CYTH1: variants seen among roughly 807,000 people sequenced by gnomAD.
The protein encoded by CYTH1 is cytohesin 1, also known as cytohesin-1.
Under a neutral mutation model 61.8 loss-of-function variants are expected in CYTH1, and 18 were observed. That is an observed-to-expected ratio of 0.29 (90% confidence interval 0.20 to 0.43). The LOEUF (loss-of-function observed/expected upper bound fraction) is 0.43, where lower values mean the gene tolerates loss of function less well. Ranked by LOEUF, CYTH1 falls within the 20% of genes least tolerant of loss-of-function variation. CYTH1 has a pLI of 1.00. For synonymous variants in CYTH1, 174 were observed against 184.3 expected, an observed-to-expected ratio of 0.94 and a Z score of 0.45; for missense variants, 336 against 510.5, an observed-to-expected ratio of 0.66 and a Z score of 3.29.
At position 78,753,499 on chromosome 17, in the gene CYTH1, TAATAAATAAATA is replaced by T. The variant is rs67579941; in HGVS notation, c.22+28691_22+28702del. On this transcript the variant is annotated intron_variant, in intron 1 of 13. Coordinates refer to ENST00000446868, the MANE Select transcript of CYTH1 (RefSeq NM_004762.6). ...AACATGGTCAGACCTTATCTCTACT[TAATAAATAAATA>T]AATAAATAAATAAATAAATAAAGAT... is the stretch of plus-strand genomic sequence containing the variant. Among the ~76,000 whole-genome samples the T allele has an allele frequency of 5.9e-4, 84 of 143,372 alleles. 2 individuals carry two copies. The highest frequency in any genetic ancestry group is 3.6e-3 in the Admixed American group (53 of 14,710). The allele number at this position is 143,372 out of a possible 152,430, so 94.1% of individuals were successfully genotyped here.
At chr17:78,683,463 AATC>A (rs2092784320) in intron 11 of CYTH1, among the ~76,000 whole-genome samples, 1 of 152,100 alleles carries the variant, frequency 6.6e-6, no homozygotes. Context: ...TCTGCTGGGG[AATC>A]TGACTAAATA....
At chr17:78,768,972 C>G (rs933831469) in intron 1 of CYTH1, among the ~76,000 whole-genome samples, 2 of 152,040 alleles carry the variant, frequency 1.3e-5, no homozygotes, top group Non-Finnish European at 2.9e-5. Flanking sequence ...ATGGCAAAAC[C>G]CAGTCTCTAC....
rs1567851933 is a variant in CYTH1, at chr17:78,711,293, TA to T, written c.23-1562del. Among the ~76,000 whole-genome samples the T allele has an allele frequency of 1.9e-3, 219 of 114,100 alleles. 1 individual carries two copies. Among genetic ancestry groups the T allele is most frequent in the African/African-American group, 6.6e-3 (198 of 29,872 alleles). 74.9% of individuals were successfully genotyped at this position (114,100 alleles called of 152,430 possible). ...ATAAATAAATAAATAAATAAATAAA[TA>T]AATAAATAATATATATATATACACA... is the stretch of plus-strand genomic sequence containing the variant. On this transcript the variant is annotated intron_variant, in intron 1 of 13. Transcript: ENST00000446868.
intron 10 of CYTH1, among the ~76,000 whole-genome samples, chr17:78,693,750 C>T (rs933016181): frequency 3.9e-5 from 6 of 152,068 alleles, no homozygotes; most frequent in Non-Finnish European, 7.4e-5. Flanking sequence ...GCTGTCAAAT[C>T]GGGACCACAG....
intron 1 of CYTH1, 107 bp downstream of exon 1, chr17:78,782,095 C>T (rs983553598): frequency 3.1e-4 from 312 of 1,017,974 alleles, no homozygotes; most frequent in Non-Finnish European, 3.7e-4. Flanking sequence ...CGTCCCGCAC[C>T]AGTGTCCCCG....
chr17:78,692,354 G>A (rs2092896477), intron 11 of CYTH1, 63 bp downstream of exon 11: 1 of 1,523,198 alleles, frequency 6.6e-7, no homozygotes, highest in Non-Finnish European at 9.1e-7. Flanking sequence ...TGTCTGATTA[G>A]AGACACTTGG....
intron 3 of CYTH1, among the ~76,000 whole-genome samples, chr17:78,707,317 A>C (rs777215711): frequency 2.0e-5 from 3 of 152,226 alleles, no homozygotes; most frequent in Non-Finnish European, 4.4e-5. Context: ...TATTGCATTA[A>C]GCAGTCAGAA....
chr17:78,681,575 G>T (rs976102421), intron 11 of CYTH1, among the ~76,000 whole-genome samples: 7 of 152,090 alleles, frequency 4.6e-5, no homozygotes, highest in African/African-American at 1.7e-4. Context: ...AAGGCACCTT[G>T]ACTCCTGTCC....
rs761937941 is a variant in CYTH1 at position 78,700,320 on chromosome 17, A to G, written c.550+11T>C. The G allele has an allele frequency of 7.5e-6, 12 of 1,595,808 alleles. No homozygotes were observed. The South Asian group carries it at 1.3e-4, about 17-fold the overall frequency. ...CGCCCATCATAAACTAGGATGAATG[A>G]TCGTATTTACCCGTGGACTGGAACA... On this transcript the variant is annotated intron_variant, in intron 7 of 13. Coordinates refer to ENST00000446868, the MANE Select transcript of CYTH1 (RefSeq NM_004762.6). The surrounding 1 kb of genome is among the most constrained non-coding windows in gnomAD (Gnocchi z 5.1).
chr17:78,773,146 T>C (rs543445685), intron 1 of CYTH1, among the ~76,000 whole-genome samples: 48 of 151,682 alleles, frequency 3.2e-4, no homozygotes, highest in Non-Finnish European at 6.2e-4. Context: ...AACTGAACAG[T>C]TTATCATTAT....
At chr17:78,716,511 T>C (rs1408263812) in intron 1 of CYTH1, among the ~76,000 whole-genome samples, 1 of 152,202 alleles carries the variant, frequency 6.6e-6, no homozygotes, top group African/African-American at 2.4e-5. Flanking sequence ...GCCACATGAC[T>C]GCTAAATTAC....
intron 12 of CYTH1, 141 bp downstream of exon 12, chr17:78,680,830 G>C: frequency 1.2e-6 from 1 of 847,982 alleles, no homozygotes; most frequent in Non-Finnish European, 1.9e-6. Flanking sequence ...CTCATCTTTG[G>C]CTTGAACAAT....
In CYTH1 at chr17:78,675,416, C is replaced by T. The variant is rs972292143; in HGVS notation, c.*675G>A. On this transcript the variant is annotated 3_prime_UTR_variant, in exon 14 of 14. Coordinates refer to ENST00000446868, the MANE Select transcript of CYTH1 (RefSeq NM_004762.6). ...TCTGACTGTGCCGTCTGAGGCTCCA[C>T]TGGGCCTCTGCCCTCTGCGTCCTCG... 2 of 152,568 alleles carry T rather than the reference C, an allele frequency of 1.3e-5. No individual in the cohort carries two copies. The highest frequency in any genetic ancestry group is 4.8e-5 in the African/African-American group (2 of 41,476). The allele number at this position is 152,568 out of a possible 1,614,324, so 9.5% of individuals were successfully genotyped here. A position where few individuals can be genotyped will look rare whatever the true frequency, so the allele number is the denominator to read the frequency against.
chr17:78,689,339 C>G (rs193262134), intron 11 of CYTH1, among the ~76,000 whole-genome samples: 1 of 152,336 alleles, frequency 6.6e-6, no homozygotes, highest in African/African-American at 2.4e-5. Context: ...TCTGTACTTG[C>G]AGCTGCTCCC....
rs541154046 is a variant in CYTH1, at chr17:78,702,452, T to C, written c.237+86A>G. The stretch of plus-strand genomic sequence containing the variant: ...AAACGGCAACATGAACTGTAACGCT[T>C]GGAAAAAAACGTTTTTAGGGTCTAT... On this transcript the variant is annotated intron_variant, in intron 4 of 13. Transcript: ENST00000446868. 4.1e-6 allele frequency: 6 copies of C among 1,447,610 alleles called. No individual in the cohort carries two copies. The South Asian group carries it at 7.2e-5, about 17-fold the overall frequency. The allele number at this position is 1,447,610 out of a possible 1,614,324, so 89.7% of individuals were successfully genotyped here.
At chr17:78,721,228 G>T (rs949182492) in intron 1 of CYTH1, among the ~76,000 whole-genome samples, 2 of 152,192 alleles carry the variant, frequency 1.3e-5, no homozygotes, top group African/African-American at 2.4e-5. Context: ...TACTTGGGAG[G>T]CTGGGGCAAG....
chr17:78,705,023 T>TC (rs1451265490), intron 3 of CYTH1, among the ~76,000 whole-genome samples: 14 of 152,288 alleles, frequency 9.2e-5, no homozygotes, highest in African/African-American at 3.4e-4. Flanking sequence ...GTCTAATCAT[T>TC]TTTTTCTAAA....
At chr17:78,730,587 T>C (rs2093288460) in intron 1 of CYTH1, among the ~76,000 whole-genome samples, 1 of 152,028 alleles carries the variant, frequency 6.6e-6, no homozygotes, top group African/African-American at 2.4e-5. Flanking sequence ...ACTGCATCTT[T>C]TTTTAGGTCA....
chr17:78,713,912 C>T (rs2093158924), intron 1 of CYTH1, among the ~76,000 whole-genome samples: 1 of 152,212 alleles, frequency 6.6e-6, no homozygotes, highest in African/African-American at 2.4e-5. Flanking sequence ...GACAATTTTT[C>T]TGGATGGACA....
Sources: gnomAD v4.1 joint callset for allele counts (sites outside exome capture counted in the v4.1 genomes callset) on GRCh38, gnomAD v4.1.1 for gene constraint, Gnocchi (gnomAD v3.1) non-coding constraint, MANE v1.5 for transcripts, NCBI Gene and HGNC (gene_info 2026-07-23, HGNC 2026-07-21) for gene names.